The following NPAS3 variants were observed in gnomAD, a reference collection of about 807,000 sequenced individuals.
NPAS3 encodes the protein neuronal PAS domain protein 3, also known as neuronal PAS domain-containing protein 3.
Under a neutral mutation model 73.1 loss-of-function variants are expected in NPAS3, and 14 were observed. That is an observed-to-expected ratio of 0.19 (90% confidence interval 0.13 to 0.30). NPAS3 has a LOEUF of 0.30. NPAS3 is among the 10% of genes least tolerant of loss of function. The probability of loss-of-function intolerance (pLI) is 1.00; values close to 1 mark genes in which losing one functional copy is unlikely to be tolerated. For synonymous variants in NPAS3, 620 were observed against 541.5 expected (o/e 1.14, Z -2.01); for missense variants, 1,096 against 1,250.0 (o/e 0.88, Z 1.86).
chr14:33,784,749 T>TTTTTTTTA (rs2063107858), intron 9 of NPAS3, among the ~76,000 whole-genome samples: 1 of 47,838 alleles, frequency 2.1e-5, no homozygotes, highest in African/African-American at 8.6e-5. Context: ...TTATTTATTT[T>TTTTTTTTA]TTTTTTTTTT....
chr14:33,336,175 G>T (rs2044217773), intron 3 of NPAS3, among the ~76,000 whole-genome samples: 1 of 152,052 alleles, frequency 6.6e-6, no homozygotes, highest in African/African-American at 2.4e-5. Flanking sequence ...TTCTGTTGCT[G>T]TGTAACAAAT....
chr14:33,674,520 C>A (rs912686102), intron 5 of NPAS3, among the ~76,000 whole-genome samples: 2 of 152,184 alleles, frequency 1.3e-5, no homozygotes, highest in Non-Finnish European at 2.9e-5. Flanking sequence ...GTGTGAAGTG[C>A]TTAGAGGCAA....
intron 1 of NPAS3, among the ~76,000 whole-genome samples, chr14:32,977,733 GTAAA>G (rs1421567717): frequency 6.6e-6 from 1 of 152,112 alleles, no homozygotes. Context: ...CTGTCTCTAA[GTAAA>G]TAAATAAATT....
At chr14:33,490,563 G>A (rs967211047) in intron 4 of NPAS3, among the ~76,000 whole-genome samples, 7 of 152,076 alleles carry the variant, frequency 4.6e-5, no homozygotes, top group Non-Finnish European at 1.0e-4. Flanking sequence ...TTTTGGAGAA[G>A]GGTGACAGCT....
intron 5 of NPAS3, among the ~76,000 whole-genome samples, chr14:33,672,179 G>C (rs2059627492): frequency 6.6e-6 from 1 of 152,158 alleles, no homozygotes; most frequent in Non-Finnish European, 1.5e-5. Context: ...TTCTCTTAAA[G>C]AGTTTCTTAA....
intron 5 of NPAS3, among the ~76,000 whole-genome samples, chr14:33,642,376 A>C (rs1278285147): frequency 6.6e-6 from 1 of 152,234 alleles, no homozygotes; most frequent in East Asian, 1.9e-4. Context: ...AGATTCAGCA[A>C]GCGGCAATAG....
intron 3 of NPAS3, among the ~76,000 whole-genome samples, chr14:33,254,914 ATGTC>A (rs983921187): frequency 2.6e-5 from 4 of 152,080 alleles, no homozygotes; most frequent in Admixed American, 6.6e-5. Flanking sequence ...TTCATGGACT[ATGTC>A]AGGAGATGCT....
At chr14:32,977,047 A>AACACACACACAC (rs10628639) in intron 1 of NPAS3, among the ~76,000 whole-genome samples, 6,852 of 149,240 alleles carry the variant, frequency 0.046, 196 homozygotes, top group Middle Eastern at 0.13. Flanking sequence ...TGGTCAAGGT[A>AACACACACACAC]ACACACACAC....
chr14:33,066,144 A>G (rs1389336135), intron 2 of NPAS3, among the ~76,000 whole-genome samples: 2 of 152,192 alleles, frequency 1.3e-5, no homozygotes, highest in Non-Finnish European at 2.9e-5. Flanking sequence ...GCTCACAAGC[A>G]GAAAATGAGA....
intron 2 of NPAS3, among the ~76,000 whole-genome samples, chr14:33,078,007 C>T (rs2041727883): frequency 6.6e-6 from 1 of 151,554 alleles, no homozygotes; most frequent in Admixed American, 6.6e-5. Context: ...GGCGTGGTGG[C>T]GCATGCCTAT....
At chr14:33,271,069 C>A (rs1440650793) in intron 3 of NPAS3, among the ~76,000 whole-genome samples, 1 of 152,124 alleles carries the variant, frequency 6.6e-6, no homozygotes, top group Admixed American at 6.6e-5. Context: ...TACAGAGAAA[C>A]CGTCTGTTTG....
chr14:32,964,802 C>T (rs547260926), intron 1 of NPAS3, among the ~76,000 whole-genome samples: 1 of 142,142 alleles, frequency 7.0e-6, no homozygotes, highest in Non-Finnish European at 1.5e-5. Flanking sequence ...TAGCAAGACC[C>T]CTGTCTCTAC....
chr14:33,308,017 T>G (rs903344279), intron 3 of NPAS3, among the ~76,000 whole-genome samples: 4 of 152,152 alleles, frequency 2.6e-5, no homozygotes, highest in Admixed American at 2.6e-4. Flanking sequence ...CAAGCTATCC[T>G]GTACGCAATC....
At position 33,293,347 on chromosome 14, in the gene NPAS3, A is replaced by G. The variant is rs538001823; in HGVS notation, c.386-73839A>G. On this transcript the variant is annotated intron_variant, in intron 3 of 11. Coordinates refer to ENST00000356141, the Ensembl canonical transcript of NPAS3. The stretch of plus-strand genomic sequence containing the variant: ...GGCATGGTAGAGGTGTAAGATCCAT[A>G]CCTTCTCTGCCCTGCCCCTTTTCTC... 5.9e-5 allele frequency among the ~76,000 whole-genome samples: 9 copies of G among 152,286 alleles called. No homozygotes were observed. In the East Asian group the frequency reaches 1.7e-3, roughly 29 times the overall value.
chr14:33,345,168 C>T (rs2044669110), intron 3 of NPAS3, among the ~76,000 whole-genome samples: 2 of 152,196 alleles, frequency 1.3e-5, no homozygotes, highest in South Asian at 4.1e-4. Context: ...AACTAATTTA[C>T]TCTAAACGTA....
chr14:33,222,348 G>A (rs531464818), intron 3 of NPAS3, among the ~76,000 whole-genome samples: 88 of 152,278 alleles, frequency 5.8e-4, no homozygotes, highest in Non-Finnish European at 1.1e-3. Context: ...ATCTTTTTAC[G>A]CCCTTCCAGT....
chr14:33,169,968 A>G (rs952701680), intron 2 of NPAS3, among the ~76,000 whole-genome samples: 1 of 152,188 alleles, frequency 6.6e-6, no homozygotes, highest in Admixed American at 6.5e-5. Context: ...CTTCTGATAC[A>G]TCTTGTAGTT....
chr14:33,561,059 A>T (rs762499425), intron 5 of NPAS3, among the ~76,000 whole-genome samples: 1 of 152,190 alleles, frequency 6.6e-6, no homozygotes, highest in Non-Finnish European at 1.5e-5. Context: ...TGGCATGAGG[A>T]AAACACTGCC....
intron 5 of NPAS3, among the ~76,000 whole-genome samples, chr14:33,624,526 A>T (rs553609373): frequency 3.3e-4 from 50 of 150,874 alleles, no homozygotes; most frequent in African/African-American, 1.2e-3. Context: ...AAAGAGAACC[A>T]CTGGTTTAGA....
Sources: gnomAD v4.1 joint callset for allele counts (sites outside exome capture counted in the v4.1 genomes callset) on GRCh38, gnomAD v4.1.1 for gene constraint, MANE v1.5 for transcripts, NCBI Gene and HGNC (gene_info 2026-07-23, HGNC 2026-07-21) for gene names.